Variants in PPP2CA observed in about 807,000 individuals in gnomAD.
The protein encoded by PPP2CA is protein phosphatase 2 catalytic subunit alpha.
In PPP2CA, 5 loss-of-function variants were observed where a neutral mutation model predicts 38.8. The observed-to-expected ratio is 0.13, with a 90% CI of 0.07 to 0.27. The LOEUF (loss-of-function observed/expected upper bound fraction) is 0.27, where lower values mean the gene tolerates loss of function less well. Among genes scored for constraint, PPP2CA ranks in the 10% least tolerant of loss-of-function variants. The pLI is 1.00. For synonymous variants in PPP2CA, 152 were observed against 134.0 expected (o/e 1.13, Z -0.93); for missense variants, 88 against 389.7 (o/e 0.23, Z 6.52).
intron 1 of PPP2CA, among the ~76,000 whole-genome samples, chr5:134,225,162 A>T (rs953582573): frequency 6.6e-6 from 1 of 152,202 alleles, no homozygotes; most frequent in Non-Finnish European, 1.5e-5. Flanking sequence ...CCTTCGTAAA[A>T]ATTAGGTTAA....
intron 1 of PPP2CA, among the ~76,000 whole-genome samples, 177 bp from the exon 2 acceptor site, chr5:134,206,308 C>T (rs1255437606): frequency 2.0e-5 from 3 of 152,180 alleles, no homozygotes; most frequent in Non-Finnish European, 4.4e-5. Flanking sequence ...AGCTATCTCA[C>T]CCTGTTACCT....
intron 1 of PPP2CA, among the ~76,000 whole-genome samples, chr5:134,218,428 C>T (rs188599832): frequency 4.4e-4 from 67 of 152,302 alleles, no homozygotes; most frequent in Middle Eastern, 3.4e-3. Flanking sequence ...GTCTCATATG[C>T]ACAATAGACT....
At chr5:134,214,065 G>T (rs1762265907) in intron 1 of PPP2CA, among the ~76,000 whole-genome samples, 1 of 152,084 alleles carries the variant, frequency 6.6e-6, no homozygotes, top group Non-Finnish European at 1.5e-5. Flanking sequence ...GGAGGCAGAG[G>T]TTGCAGTGAG....
At chr5:134,218,396 G>A (rs1762365416) in intron 1 of PPP2CA, among the ~76,000 whole-genome samples, 1 of 152,148 alleles carries the variant, frequency 6.6e-6, no homozygotes, top group South Asian at 2.1e-4. Context: ...CTGACCAAAA[G>A]GAAAGATCCT....
chr5:134,197,876 T>C, intron 6 of PPP2CA, 32 bp from the exon 7 acceptor site: 1 of 1,563,014 alleles, frequency 6.4e-7, no homozygotes. Flanking sequence ...TGGTTTATGT[T>C]CCACGACCTC....
At position 134,196,019 on chromosome 5, in the gene PPP2CA, A is replaced by C. The variant is rs375752799; in HGVS notation, c.*1753T>G. ...TAAGCTATTTGTTCAGTCGGAGAGA[A>C]AGGGCATAGAGTGACAGAGCAACAA... On this transcript the variant is annotated 3_prime_UTR_variant, in exon 7 of 7. Transcript: ENST00000481195. 17 of 152,338 alleles carry C rather than the reference A, an allele frequency of 1.1e-4. No homozygotes were observed. The South Asian group carries it at 2.9e-3, about 26-fold the overall frequency. 9.4% of individuals were successfully genotyped at this position (152,338 alleles called of 1,614,324 possible).
At chr5:134,221,160 G>A (rs1278585563) in intron 1 of PPP2CA, among the ~76,000 whole-genome samples, 1 of 152,160 alleles carries the variant, frequency 6.6e-6, no homozygotes, top group Non-Finnish European at 1.5e-5. Flanking sequence ...CGCCCAGGCT[G>A]GAGTGCAGTG....
At position 134,201,023 on chromosome 5, in the gene PPP2CA, T is replaced by C; in HGVS notation, c.538A>G (p.Ile180Val). ...TCTTGTAGGCGATCAAGTGCTCTGA[T>C]ATGATCCAGTGTATCTATAGATGGC... ...LSPSIDTLDH[I>V]RALDRLQEVP... Residue 180 changes from isoleucine (I) to valine (V), a missense_variant, in exon 4 of 7, where the codon ATC becomes GTC. Transcript: ENST00000481195. 1 of 1,613,048 alleles carries C rather than the reference T, an allele frequency of 6.2e-7. No homozygotes were observed. Among genetic ancestry groups the C allele is most frequent in the African/African-American group, 1.3e-5 (1 of 75,044 alleles).
chr5:134,198,982 G>A (rs1295728861), intron 6 of PPP2CA, 104 bp downstream of exon 6: 15 of 898,104 alleles, frequency 1.7e-5, no homozygotes, highest in East Asian at 1.0e-4. Flanking sequence ...CTAGGAGTTC[G>A]AGACAAGACT....
intron 1 of PPP2CA, among the ~76,000 whole-genome samples, chr5:134,224,950 T>C (rs1026712398): frequency 6.6e-6 from 1 of 152,266 alleles, no homozygotes. Flanking sequence ...TCTTCCATTT[T>C]ATGTTGTTCA....
At chr5:134,203,734 T>TC (rs1762016483) in intron 2 of PPP2CA, among the ~76,000 whole-genome samples, 1 of 152,024 alleles carries the variant, frequency 6.6e-6, no homozygotes, top group Non-Finnish European at 1.5e-5. Context: ...TAAGTTTTTT[T>TC]CCCCCCAGAT....
chr5:134,200,211 T>A (rs1761943597), intron 5 of PPP2CA, 124 bp downstream of exon 5: 2 of 1,110,402 alleles, frequency 1.8e-6, no homozygotes, highest in Non-Finnish European at 2.5e-6. Flanking sequence ...CAGGCTATAA[T>A]GATAAACTCA....
At chr5:134,201,270 C>A (rs1386315734) in intron 3 of PPP2CA, among the ~76,000 whole-genome samples, 196 bp from the exon 4 acceptor site, 1 of 151,708 alleles carries the variant, frequency 6.6e-6, no homozygotes, top group Admixed American at 6.6e-5. Context: ...AAAAAATGAG[C>A]TGGGCACCCC....
chr5:134,218,060 GACC>G (rs1354719384), intron 1 of PPP2CA, among the ~76,000 whole-genome samples: 2 of 151,890 alleles, frequency 1.3e-5, no homozygotes, highest in African/African-American at 2.4e-5. Flanking sequence ...AATTTCATAA[GACC>G]ACCATCACAT....
At chr5:134,222,055 C>T (rs1267235601) in intron 1 of PPP2CA, among the ~76,000 whole-genome samples, 2 of 151,376 alleles carry the variant, frequency 1.3e-5, no homozygotes, top group African/African-American at 2.4e-5. Flanking sequence ...TCTTTCACTA[C>T]TAACACTACC....
rs57520870 is a variant in PPP2CA, at chr5:134,216,557, A to AAAAAAAAAAAAAG, written c.102+9202_102+9203insCTTTTTTTTTTTT. Among the ~76,000 whole-genome samples, 2 of 111,084 alleles carry AAAAAAAAAAAAAG rather than the reference A, an allele frequency of 1.8e-5. 1 individual carries two copies. The highest frequency in any genetic ancestry group is 3.6e-5 in the Non-Finnish European group (2 of 55,304). The allele number at this position is 111,084 out of a possible 152,430, so 72.9% of individuals were successfully genotyped here. On this transcript the variant is annotated intron_variant, in intron 1 of 6. Coordinates refer to ENST00000481195, the MANE Select transcript of PPP2CA (RefSeq NM_002715.4). ...TGCCTCAAAAAAAAAAAAAAAAAAA[A>AAAAAAAAAAAAAG]GTGGTTTCCTTCAAAAGAAGGTAGT...
At chr5:134,223,691 ATTATC>A (rs1465844297) in intron 1 of PPP2CA, among the ~76,000 whole-genome samples, 4 of 152,174 alleles carry the variant, frequency 2.6e-5, no homozygotes, top group Non-Finnish European at 4.4e-5. Context: ...AGCATCCAGT[ATTATC>A]TTATCTTCTA....
At chr5:134,216,672 G>A (rs1344454352) in intron 1 of PPP2CA, among the ~76,000 whole-genome samples, 1 of 151,824 alleles carries the variant, frequency 6.6e-6, no homozygotes, top group Non-Finnish European at 1.5e-5. Context: ...AAAGAAACCT[G>A]TTTTTTGTTT....
At chr5:134,213,800 A>G (rs1256252950) in intron 1 of PPP2CA, among the ~76,000 whole-genome samples, 1 of 152,134 alleles carries the variant, frequency 6.6e-6, no homozygotes, top group Admixed American at 6.5e-5. Flanking sequence ...AAAGCACAAA[A>G]TGATTACAAC....
Sources: gnomAD v4.1 joint callset for allele counts (sites outside exome capture counted in the v4.1 genomes callset) on GRCh38, gnomAD v4.1.1 for gene constraint, MANE v1.5 for transcripts, NCBI Gene and HGNC (gene_info 2026-07-23, HGNC 2026-07-21) for gene names.